The following CADPS2 variants were observed in gnomAD, a reference collection of about 807,000 sequenced individuals.
CADPS2 encodes the protein calcium dependent secretion activator 2.
CADPS2 carries 93 observed loss-of-function variants against 172.5 expected under a neutral mutation model. That is an observed-to-expected ratio of 0.54 (90% confidence interval 0.46 to 0.64). CADPS2 has a LOEUF of 0.64. Ranked by LOEUF, CADPS2 falls within the 30% of genes least tolerant of loss-of-function variation. The probability of loss-of-function intolerance (pLI) is 0.00; values close to 1 mark genes in which losing one functional copy is unlikely to be tolerated. For missense variants in CADPS2, 1,420 were observed against 1,565.9 expected (o/e 0.91, Z 1.57); for synonymous variants, 546 against 555.2 (o/e 0.98, Z 0.23).
intron 24 of CADPS2, among the ~76,000 whole-genome samples, chr7:122,383,092 C>G (rs772971304): frequency 2.6e-5 from 4 of 152,002 alleles, no homozygotes; most frequent in Non-Finnish European, 4.4e-5. Context: ...AGGTGTCCAT[C>G]AATGGTAGAC....
At chr7:122,801,369 C>T (rs1797611592) in intron 1 of CADPS2, among the ~76,000 whole-genome samples, 1 of 152,126 alleles carries the variant, frequency 6.6e-6, no homozygotes, top group African/African-American at 2.4e-5. Context: ...AAATCTGTTA[C>T]ATTAACAGAT....
rs1252608402 is a variant in CADPS2, at chr7:122,349,795, T to C, written c.3505-4114A>G. Reference sequence around the variant, plus strand: ...TGTTAATTATATGCTGCAAACGCTCTTGCTTCCTGCTGCTACACCTAATCC... The same window carrying C: ...TGTTAATTATATGCTGCAAACGCTCCTGCTTCCTGCTGCTACACCTAATCC... On this transcript the variant is annotated intron_variant, in intron 27 of 29. Coordinates refer to ENST00000449022, the MANE Select transcript of CADPS2 (RefSeq NM_017954.11). Among the ~76,000 whole-genome samples, 4 of 152,164 alleles carry C rather than the reference T, an allele frequency of 2.6e-5. No individual in the cohort carries two copies. The East Asian group carries it at 7.7e-4, about 29-fold the overall frequency.
At chr7:122,514,070 C>G (rs780915739) in intron 8 of CADPS2, among the ~76,000 whole-genome samples, 15 of 151,972 alleles carry the variant, frequency 9.9e-5, no homozygotes, top group Admixed American at 3.3e-4. Context: ...AAATGATATA[C>G]TGAAATATCA....
At chr7:122,583,974 T>C (rs948711458) in intron 6 of CADPS2, among the ~76,000 whole-genome samples, 4 of 151,592 alleles carry the variant, frequency 2.6e-5, no homozygotes, top group East Asian at 1.9e-4. Context: ...TCTGTAATTA[T>C]AGTAGATTAC....
chr7:122,761,781 G>A (rs1292292399), intron 1 of CADPS2, among the ~76,000 whole-genome samples: 1 of 150,250 alleles, frequency 6.7e-6, no homozygotes, highest in Non-Finnish European at 1.5e-5. Flanking sequence ...GATCACTTGA[G>A]ATCAGGAGTT....
intron 28 of CADPS2, among the ~76,000 whole-genome samples, chr7:122,340,590 C>A (rs2150931878): frequency 6.6e-6 from 1 of 152,248 alleles, no homozygotes; most frequent in African/African-American, 2.4e-5. Context: ...AAAATCACCC[C>A]TTTCCAGCCC....
At chr7:122,647,908 G>A (rs2078736115) in intron 3 of CADPS2, among the ~76,000 whole-genome samples, 1 of 152,154 alleles carries the variant, frequency 6.6e-6, no homozygotes, top group Non-Finnish European at 1.5e-5. Flanking sequence ...AATATATAAT[G>A]TTCTTTGTTA....
intron 2 of CADPS2, chr7:122,702,097 G>A (rs1436073273): frequency 6.2e-7 from 1 of 1,613,388 alleles, no homozygotes; most frequent in African/African-American, 1.3e-5. Flanking sequence ...TGAAAGAATT[G>A]GGCACTCTAG....
chr7:122,824,012 C>A (rs1804142031), intron 1 of CADPS2, among the ~76,000 whole-genome samples: 1 of 152,136 alleles, frequency 6.6e-6, no homozygotes, highest in Non-Finnish European at 1.5e-5. Context: ...AAGACATTGG[C>A]TTGTACTTTC....
chr7:122,792,694 T>A (rs1795544171), intron 1 of CADPS2, among the ~76,000 whole-genome samples: 1 of 152,212 alleles, frequency 6.6e-6, no homozygotes, highest in Admixed American at 6.5e-5. Context: ...TAGTGTATTT[T>A]CTTTATAAAG....
chr7:122,603,959 T>C (rs1412568850), intron 6 of CADPS2, among the ~76,000 whole-genome samples: 2 of 152,144 alleles, frequency 1.3e-5, no homozygotes, highest in Admixed American at 6.6e-5. Context: ...TTCTAAGAAC[T>C]CTGTACAACA....
intron 7 of CADPS2, among the ~76,000 whole-genome samples, chr7:122,574,309 G>A (rs1192979366): frequency 2.0e-5 from 3 of 151,292 alleles, no homozygotes; most frequent in Admixed American, 6.6e-5. Context: ...TGCCCAGCAC[G>A]GTGGCATACA....
intron 1 of CADPS2, among the ~76,000 whole-genome samples, chr7:122,800,094 A>C (rs938888990): frequency 6.6e-6 from 1 of 152,252 alleles, no homozygotes; most frequent in African/African-American, 2.4e-5. Context: ...GCATTTACAT[A>C]AAAGATATTA....
At chr7:122,596,782 C>A (rs2071862177) in intron 6 of CADPS2, among the ~76,000 whole-genome samples, 1 of 152,214 alleles carries the variant, frequency 6.6e-6, no homozygotes, top group Non-Finnish European at 1.5e-5. Flanking sequence ...GGTTTCCCTA[C>A]TGAAGAGCTG....
intron 1 of CADPS2, among the ~76,000 whole-genome samples, chr7:122,866,245 A>G (rs1006971567): frequency 9.9e-5 from 15 of 152,238 alleles, no homozygotes; most frequent in African/African-American, 3.4e-4. Context: ...TTGAGTAAAT[A>G]CTTTCAGGCT....
chr7:122,619,843 G>C lies in CADPS2; in HGVS notation c.1104+1638C>G, dbSNP rs191135169. Among the ~76,000 whole-genome samples the C allele has an allele frequency of 7.6e-4, 115 of 152,262 alleles. 1 individual carries two copies. Among genetic ancestry groups the C allele is most frequent in the Admixed American group, 6.5e-3 (99 of 15,296 alleles). On this transcript the variant is annotated intron_variant, in intron 5 of 29. Transcript: ENST00000449022. ...ATCCTTATGTCAAAAGGCTGAAAAGGCTAAGAAGAAACCCAGTAGTGAAAC... is the reference window on the plus strand; with the variant it reads ...ATCCTTATGTCAAAAGGCTGAAAAGCCTAAGAAGAAACCCAGTAGTGAAAC...
chr7:122,422,676 C>T (rs757273346), intron 17 of CADPS2, among the ~76,000 whole-genome samples: 3 of 151,972 alleles, frequency 2.0e-5, no homozygotes, highest in East Asian at 1.9e-4. Context: ...ATCCCCTGGC[C>T]AGGCACGGTG....
chr7:122,746,210 C>T (rs551616065), intron 1 of CADPS2, among the ~76,000 whole-genome samples: 1 of 152,188 alleles, frequency 6.6e-6, no homozygotes, highest in Admixed American at 6.5e-5. Flanking sequence ...AAGATGGATG[C>T]CCGTGAATAA....
Position 122,827,781 on chromosome 7 carries a change from A to G in CADPS2, c.339+58218T>C, listed in dbSNP as rs555088668. On this transcript the variant is annotated intron_variant, in intron 1 of 29. Transcript: ENST00000449022. Reference sequence around the variant, plus strand: ...AACATCAGACAAAAACAGTACAAAAAAAAAATACAGACAAGTATCACTCAT... The same window carrying G: ...AACATCAGACAAAAACAGTACAAAAGAAAAATACAGACAAGTATCACTCAT... 1.8e-4 allele frequency among the ~76,000 whole-genome samples: 28 copies of G among 152,342 alleles called. No homozygotes were observed. In the South Asian group the frequency reaches 5.8e-3, roughly 32 times the overall value.
Sources: gnomAD v4.1 joint callset for allele counts (sites outside exome capture counted in the v4.1 genomes callset) on GRCh38, gnomAD v4.1.1 for gene constraint, MANE v1.5 for transcripts, NCBI Gene and HGNC (gene_info 2026-07-23, HGNC 2026-07-21) for gene names.